Variants in LYRM4 observed in about 807,000 individuals in gnomAD.
LYRM4 encodes the protein LYR motif containing 4, also known as LYR motif-containing protein 4.
LYRM4 carries 9 observed loss-of-function variants against 11.7 expected under a neutral mutation model. That is an observed-to-expected ratio of 0.77 (90% CI 0.46 to 1.34). The LOEUF is 1.34. LYRM4 is among the 40% of genes most tolerant of loss of function. The pLI, the probability that LYRM4 is intolerant of heterozygous loss-of-function variation, is 0.00. For missense variants in LYRM4, 133 were observed against 112.5 expected (o/e 1.18, Z -0.82); for synonymous variants, 42 against 40.4 (o/e 1.04, Z -0.15).
chr6:5,108,406 C>A, downstream of LYRM4: 1 of 958,078 alleles, frequency 1.0e-6, no homozygotes, highest in Non-Finnish European at 1.2e-6. Flanking sequence ...TGGAATGAAT[C>A]TGTTTCCAAG....
chr6:5,231,056 C>T (rs1348566567), intron 1 of LYRM4, among the ~76,000 whole-genome samples: 1 of 152,180 alleles, frequency 6.6e-6, no homozygotes, highest in Non-Finnish European at 1.5e-5. Context: ...GTAGATGGAT[C>T]ATTTGAGGTT....
At chr6:5,239,321 G>A (rs1763729604) in intron 1 of LYRM4, among the ~76,000 whole-genome samples, 1 of 152,164 alleles carries the variant, frequency 6.6e-6, no homozygotes, top group African/African-American at 2.4e-5. Flanking sequence ...CTGGAGTGTT[G>A]AGTTTGCCTG....
the LYRM4 span, among the ~76,000 whole-genome samples, chr6:5,057,289 G>A: frequency 1.1e-4 from 16 of 152,126 alleles, no homozygotes; most frequent in Admixed American, 7.2e-4. Flanking sequence ...CACGGGCTTC[G>A]ACCTGAAGGG....
chr6:5,168,603 T>G (rs1203813901), intron 2 of LYRM4, among the ~76,000 whole-genome samples: 4 of 151,968 alleles, frequency 2.6e-5, no homozygotes, highest in African/African-American at 9.7e-5. Context: ...ACAAACATGA[T>G]AGTCAAGGAG....
chr6:5,046,248 G>A, the LYRM4 span, among the ~76,000 whole-genome samples: 3 of 151,852 alleles, frequency 2.0e-5, no homozygotes, highest in Non-Finnish European at 4.4e-5. Flanking sequence ...CTGGGTTCAC[G>A]CCATTCTCCT....
At chr6:5,140,079 A>T (rs1757322271) in intron 2 of LYRM4, among the ~76,000 whole-genome samples, 1 of 151,646 alleles carries the variant, frequency 6.6e-6, no homozygotes. Flanking sequence ...CCCAAAATAC[A>T]AAAATTAGTG....
intron 1 of LYRM4, among the ~76,000 whole-genome samples, chr6:5,253,004 G>A (rs1764504568): frequency 6.6e-6 from 1 of 152,190 alleles, no homozygotes; most frequent in Non-Finnish European, 1.5e-5. Context: ...TGGCACTTAG[G>A]AGACCAGCTC....
At chr6:5,250,278 C>T (rs1764369439) in intron 1 of LYRM4, among the ~76,000 whole-genome samples, 1 of 151,986 alleles carries the variant, frequency 6.6e-6, no homozygotes, top group Admixed American at 6.5e-5. Context: ...AGAATAAGTG[C>T]AATTTAGAAA....
chr6:5,162,790 T>C (rs578207219), intron 2 of LYRM4, among the ~76,000 whole-genome samples: 85 of 152,320 alleles, frequency 5.6e-4, no homozygotes, highest in African/African-American at 1.9e-3. Context: ...GTCATTAGTA[T>C]AGAGTATTTG....
chr6:5,086,723 C>G, the LYRM4 span: 2 of 632,686 alleles, frequency 3.2e-6, no homozygotes, highest in Non-Finnish European at 5.4e-6. Flanking sequence ...TCGACTCGCA[C>G]CCCCGCAGAC....
At chr6:5,085,639 G>A in the LYRM4 span, 1 of 1,548,606 alleles carries the variant, frequency 6.5e-7, no homozygotes, top group Non-Finnish European at 8.7e-7. Flanking sequence ...GAGTCCTGAC[G>A]CTCAGCTAGG....
intron 2 of LYRM4, among the ~76,000 whole-genome samples, chr6:5,213,919 A>G (rs1206355154): frequency 6.6e-6 from 1 of 152,238 alleles, no homozygotes; most frequent in African/African-American, 2.4e-5. Context: ...GATCCTCACT[A>G]CAACGCATGA....
At chr6:5,249,524 T>G (rs1322233815) in intron 1 of LYRM4, among the ~76,000 whole-genome samples, 1 of 152,190 alleles carries the variant, frequency 6.6e-6, no homozygotes, top group South Asian at 2.1e-4. Context: ...TCAAAACGTC[T>G]GAGTTAAGAG....
At chr6:5,146,943 A>T (rs1757761927) in intron 2 of LYRM4, among the ~76,000 whole-genome samples, 1 of 152,196 alleles carries the variant, frequency 6.6e-6, no homozygotes, top group Non-Finnish European at 1.5e-5. Flanking sequence ...ATTTTAGGTC[A>T]ATTTACAGAA....
chr6:5,188,935 T>C (rs910553284), intron 2 of LYRM4, among the ~76,000 whole-genome samples: 1 of 152,184 alleles, frequency 6.6e-6, no homozygotes, highest in African/African-American at 2.4e-5. Flanking sequence ...ATTTTTATAT[T>C]TTTTTGTAGA....
intron 2 of LYRM4, among the ~76,000 whole-genome samples, chr6:5,206,396 C>CTG (rs1271284438): frequency 6.6e-6 from 1 of 152,178 alleles, no homozygotes; most frequent in African/African-American, 2.4e-5. Context: ...CTAGCTATCT[C>CTG]TGTGTGTAAT....
the LYRM4 span, among the ~76,000 whole-genome samples, chr6:5,040,278 C>A: frequency 6.6e-6 from 1 of 151,200 alleles, no homozygotes; most frequent in Non-Finnish European, 1.5e-5. Flanking sequence ...TGCCAGTGCA[C>A]CCCAGCCTGG....
intron 2 of LYRM4, chr6:5,186,740 T>C: frequency 1.0e-6 from 1 of 958,640 alleles, no homozygotes; most frequent in South Asian, 2.7e-5. Context: ...TCCCAGCACT[T>C]TGGGAGGCTG....
At chr6:5,077,682 T>C in the LYRM4 span, among the ~76,000 whole-genome samples, 5 of 152,306 alleles carry the variant, frequency 3.3e-5, no homozygotes, top group South Asian at 4.1e-4. Flanking sequence ...AATTAATAGA[T>C]AGAAAGTCAA....
Sources: gnomAD v4.1 joint callset for allele counts (sites outside exome capture counted in the v4.1 genomes callset) on GRCh38, gnomAD v4.1.1 for gene constraint, MANE v1.5 for transcripts, NCBI Gene and HGNC (gene_info 2026-07-23, HGNC 2026-07-21) for gene names.